Variants in ADAMTSL1 observed in about 807,000 individuals in gnomAD.
ADAMTSL1 encodes ADAMTS-like protein 1.
Under a neutral mutation model 201.8 loss-of-function variants are expected in ADAMTSL1, and 126 were observed. The observed-to-expected ratio is 0.62, with a 90% CI of 0.54 to 0.72. The LOEUF is 0.72. ADAMTSL1 is among the 30% of genes least tolerant of loss of function. ADAMTSL1 has a pLI of 0.00. For missense variants in ADAMTSL1, 2,679 were observed against 2,277.8 expected (o/e 1.18, Z -3.59); for synonymous variants, 1,121 against 903.4 (o/e 1.24, Z -4.32).
chr9:18,167,084 G>C (rs1042748048), intron 2 of ADAMTSL1, among the ~76,000 whole-genome samples: 1 of 151,968 alleles, frequency 6.6e-6, no homozygotes. Context: ...AATTCTGCAT[G>C]TATATGATTT....
intron 13 of ADAMTSL1, among the ~76,000 whole-genome samples, chr9:18,688,211 C>T (rs544841016): frequency 5.3e-4 from 80 of 151,720 alleles, no homozygotes; most frequent in African/African-American, 1.8e-3. Context: ...GCAATCTCTA[C>T]CTCCTGGGTT....
rs567741030 is a variant in ADAMTSL1 at position 18,418,185 on chromosome 9, G to A, written c.208-86644G>A. Among the ~76,000 whole-genome samples, 4 of 152,228 alleles carry A rather than the reference G, an allele frequency of 2.6e-5. No homozygotes were observed. The South Asian group carries it at 6.2e-4, about 24-fold the overall frequency. ...CTCTCAGTCAGCTAGGAAAAGAAGG[G>A]AGTTTCTTCTAACTGATAAAGAGTA... On this transcript the variant is annotated intron_variant, in intron 2 of 29. Transcript: ENST00000680146.
At chr9:18,085,606 T>A in intron 1 of ADAMTSL1, among the ~76,000 whole-genome samples, 1 of 142,626 alleles carries the variant, frequency 7.0e-6, no homozygotes, top group East Asian at 2.0e-4. Context: ...GTATATACAC[T>A]GTGTGTGTAT....
chr9:18,145,175 G>T (rs1213259545), intron 1 of ADAMTSL1, among the ~76,000 whole-genome samples: 1 of 152,124 alleles, frequency 6.6e-6, no homozygotes, highest in East Asian at 1.9e-4. Context: ...GTTGAGGATA[G>T]AAAACTTTAA....
chr9:18,474,546 T>C (rs907312758), intron 1 of ADAMTSL1, among the ~76,000 whole-genome samples: 2 of 152,152 alleles, frequency 1.3e-5, no homozygotes, highest in East Asian at 3.9e-4. Context: ...TACTGAGACA[T>C]GAACTTTGGG....
intron 1 of ADAMTSL1, among the ~76,000 whole-genome samples, chr9:17,991,985 T>A (rs1819171432): frequency 6.6e-6 from 1 of 152,102 alleles, no homozygotes; most frequent in South Asian, 2.1e-4. Flanking sequence ...AGGGGCTTGG[T>A]GCTACCTCTT....
intron 14 of ADAMTSL1, among the ~76,000 whole-genome samples, chr9:18,709,770 G>C (rs1003506818): frequency 6.6e-6 from 1 of 152,134 alleles, no homozygotes; most frequent in Non-Finnish European, 1.5e-5. Context: ...CTCTGAGCCT[G>C]ATCAGCTTTA....
At chr9:18,138,341 GATA>G (rs1191985311) in intron 1 of ADAMTSL1, among the ~76,000 whole-genome samples, 1 of 152,062 alleles carries the variant, frequency 6.6e-6, no homozygotes, top group African/African-American at 2.4e-5. Context: ...TTTCTAGATA[GATA>G]TCTCCCCAAT....
chr9:18,764,882 T>C (rs1258056498), intron 16 of ADAMTSL1, among the ~76,000 whole-genome samples: 5 of 152,258 alleles, frequency 3.3e-5, no homozygotes, highest in Non-Finnish European at 7.3e-5. Flanking sequence ...CATACCTATA[T>C]ACTGTTGGAG....
intron 14 of ADAMTSL1, among the ~76,000 whole-genome samples, chr9:18,713,469 C>T (rs1396857705): frequency 6.6e-6 from 1 of 152,096 alleles, no homozygotes; most frequent in African/African-American, 2.4e-5. Flanking sequence ...ATAAAACAGA[C>T]TTTAAACCAA....
chr9:18,542,239 A>T (rs1820198212), intron 3 of ADAMTSL1, among the ~76,000 whole-genome samples: 1 of 152,194 alleles, frequency 6.6e-6, no homozygotes. Context: ...TACATAATTG[A>T]GTTTTTATTT....
chr9:18,186,665 G>A (rs1394154501), intron 2 of ADAMTSL1, among the ~76,000 whole-genome samples: 1 of 152,118 alleles, frequency 6.6e-6, no homozygotes, highest in South Asian at 2.1e-4. Context: ...AATGAGATCT[G>A]TAGGATGAAA....
At chr9:18,309,187 CAAAAT>C (rs1328106428) in intron 2 of ADAMTSL1, among the ~76,000 whole-genome samples, 1 of 152,146 alleles carries the variant, frequency 6.6e-6, no homozygotes, top group African/African-American at 2.4e-5. Context: ...AAATGTATCT[CAAAAT>C]AATAAGAGCT....
intron 15 of ADAMTSL1, among the ~76,000 whole-genome samples, chr9:18,753,046 T>C (rs1819550358): frequency 6.6e-6 from 1 of 152,248 alleles, no homozygotes. Flanking sequence ...AACATGGTTG[T>C]AACCATTATT....
intron 1 of ADAMTSL1, among the ~76,000 whole-genome samples, chr9:18,006,876 G>A (rs964208077): frequency 5.3e-5 from 8 of 151,990 alleles, no homozygotes; most frequent in African/African-American, 1.9e-4. Flanking sequence ...GAACAAAAAT[G>A]AAGACTACCT....
intron 21 of ADAMTSL1, among the ~76,000 whole-genome samples, chr9:18,819,369 T>C (rs1719820007): frequency 6.7e-6 from 1 of 149,816 alleles, no homozygotes; most frequent in Non-Finnish European, 1.5e-5. Context: ...GGCATGAGAG[T>C]CACTTGAACC....
At chr9:18,380,079 C>A (rs1005330931) in intron 2 of ADAMTSL1, among the ~76,000 whole-genome samples, 4 of 152,158 alleles carry the variant, frequency 2.6e-5, no homozygotes, top group African/African-American at 9.7e-5. Flanking sequence ...TTGCTGTCTC[C>A]TTTCCCCTCT....
chr9:18,714,123 A>C (rs1335128789), intron 14 of ADAMTSL1, among the ~76,000 whole-genome samples: 1 of 152,232 alleles, frequency 6.6e-6, no homozygotes, highest in African/African-American at 2.4e-5. Context: ...AATTTATAGC[A>C]CTAAATGCCC....
intron 1 of ADAMTSL1, among the ~76,000 whole-genome samples, chr9:17,962,674 A>T (rs1167715759): frequency 1.3e-5 from 2 of 152,222 alleles, no homozygotes; most frequent in Non-Finnish European, 2.9e-5. Flanking sequence ...GTGGAAATTC[A>T]TTGGACCAAT....
Sources: gnomAD v4.1 joint callset for allele counts (sites outside exome capture counted in the v4.1 genomes callset) on GRCh38, gnomAD v4.1.1 for gene constraint, MANE v1.5 for transcripts, NCBI Gene and HGNC (gene_info 2026-07-23, HGNC 2026-07-21) for gene names.